The following SGCZ variants were observed in gnomAD, a reference collection of about 807,000 sequenced individuals.
SGCZ encodes the protein sarcoglycan zeta, also known as zeta-sarcoglycan.
A neutral mutation model predicts 41.3 loss-of-function variants in SGCZ; 40 were observed. That is an observed-to-expected ratio of 0.97 (90% CI 0.75 to 1.26). The LOEUF (loss-of-function observed/expected upper bound fraction) is 1.26. Among genes scored for constraint, SGCZ ranks in the 50% most tolerant of loss-of-function variants. The pLI, the probability that SGCZ is intolerant of heterozygous loss-of-function variation, is 0.00. For missense variants in SGCZ, 552 were observed against 369.8 expected, an observed-to-expected ratio of 1.49 and a Z score of -4.04; for synonymous variants, 206 against 137.5, an observed-to-expected ratio of 1.50 and a Z score of -3.49.
At chr8:14,460,743 T>C (rs1800879316) in intron 2 of SGCZ, among the ~76,000 whole-genome samples, 2 of 152,188 alleles carry the variant, frequency 1.3e-5, no homozygotes, top group Non-Finnish European at 2.9e-5. Context: ...TTTCAAAAGG[T>C]ACAATAGCAA....
At chr8:15,093,702 C>T (rs7820754) in intron 1 of SGCZ, among the ~76,000 whole-genome samples, 117,630 of 152,062 alleles carry the variant, frequency 0.77, 46,394 homozygotes, top group Non-Finnish European at 0.86. Flanking sequence ...AATTACACTT[C>T]ACTGTATTAT....
intron 1 of SGCZ, among the ~76,000 whole-genome samples, chr8:15,236,840 C>T (rs539384681): frequency 6.6e-6 from 1 of 152,130 alleles, no homozygotes; most frequent in South Asian, 2.1e-4. Flanking sequence ...GGGCTCCAGG[C>T]TGGTGGGAGA....
intron 5 of SGCZ, among the ~76,000 whole-genome samples, chr8:14,121,582 T>A (rs1802697676): frequency 6.6e-6 from 1 of 152,122 alleles, no homozygotes; most frequent in Non-Finnish European, 1.5e-5. Context: ...AAATCATACA[T>A]GAAATAATAG....
At chr8:14,756,263 A>G (rs1046615321) in intron 1 of SGCZ, among the ~76,000 whole-genome samples, 3 of 147,038 alleles carry the variant, frequency 2.0e-5, no homozygotes, top group Non-Finnish European at 3.0e-5. Context: ...TTGGCTCACC[A>G]CAATCTCCGC....
At chr8:15,024,533 A>C (rs1017706531) in intron 1 of SGCZ, among the ~76,000 whole-genome samples, 22 of 152,192 alleles carry the variant, frequency 1.4e-4, no homozygotes, top group African/African-American at 5.1e-4. Context: ...CTTATTAAAC[A>C]CACTATTTAT....
At chr8:14,638,190 C>T (rs1806899387) in intron 1 of SGCZ, among the ~76,000 whole-genome samples, 1 of 151,796 alleles carries the variant, frequency 6.6e-6, no homozygotes, top group African/African-American at 2.4e-5. Flanking sequence ...TTCTTACATT[C>T]TGTTCCCAAC....
At chr8:15,023,743 G>A (rs1158914868) in intron 1 of SGCZ, among the ~76,000 whole-genome samples, 1 of 152,170 alleles carries the variant, frequency 6.6e-6, no homozygotes, top group African/African-American at 2.4e-5. Context: ...TCACAATAGA[G>A]TATTGAATAG....
Position 15,156,850 on chromosome 8 carries a change from C to T in SGCZ, c.39+80735G>A, listed in dbSNP as rs1381987328. On this transcript the variant is annotated intron_variant, in intron 1 of 7. Transcript: ENST00000382080. ...ATCCCAGCTACTCAGGAGGCTGAGG[C>T]AGGAGATTCGCTTGAACCCAGGAGA... is the stretch of plus-strand genomic sequence containing the variant. Among the ~76,000 whole-genome samples the T allele has an allele frequency of 1.7e-4, 25 of 150,796 alleles. No homozygotes were observed. In the Admixed American group the frequency reaches 1.7e-3, roughly 10 times the overall value.
chr8:14,177,014 C>T lies in SGCZ; in HGVS notation c.425-12312G>A, dbSNP rs796690000. 2.8e-4 allele frequency among the ~76,000 whole-genome samples: 42 copies of T among 152,254 alleles called. 1 individual carries two copies. Among genetic ancestry groups the T allele is most frequent in the African/African-American group, 1.0e-3 (42 of 41,560 alleles). ...ACTTTGGGAGCAGGACACGTTACAT[C>T]ACCAAGGTTTTGTGTAACGGTTGGT... On this transcript the variant is annotated intron_variant, in intron 4 of 7. Transcript: ENST00000382080.
At chr8:15,118,859 C>G (rs1240016560) in intron 1 of SGCZ, among the ~76,000 whole-genome samples, 1 of 152,106 alleles carries the variant, frequency 6.6e-6, no homozygotes, top group Non-Finnish European at 1.5e-5. Flanking sequence ...AATACGATAC[C>G]TGCTGCTATG....
chr8:15,037,582 C>G (rs1005104371), intron 1 of SGCZ, among the ~76,000 whole-genome samples: 3 of 152,132 alleles, frequency 2.0e-5, no homozygotes, highest in African/African-American at 4.8e-5. Flanking sequence ...AATGTCCACT[C>G]TCACCACTTC....
rs767510102 is a variant in SGCZ, at chr8:15,237,599, T to C, written c.25A>G (p.Ile9Val). MDRSTNLDIEELKMTREQY... is the reference protein window; with the variant it reads MDRSTNLDVEELKMTREQY... ...CCCGCACGTACCTTGAGCTCCTCAA[T>C]GTCCAGGTTCGTTGATCTGTCCATG... is the stretch of plus-strand genomic sequence containing the variant. The change falls in exon 1 of 8, where the codon ATT becomes GTT. Residue 9 changes from isoleucine to valine, a missense_variant. Coordinates refer to ENST00000382080, the MANE Select transcript of SGCZ (RefSeq NM_139167.4). 1.3e-6 allele frequency: 2 copies of C among 1,591,488 alleles called. No individual in the cohort carries two copies. The highest frequency in any genetic ancestry group is 3.4e-5 in the Admixed American group (2 of 57,984).
Position 15,036,184 on chromosome 8 carries a change from A to T in SGCZ, c.39+201401T>A, listed in dbSNP as rs6983208. On this transcript the variant is annotated intron_variant, in intron 1 of 7. Coordinates refer to ENST00000382080, the MANE Select transcript of SGCZ (RefSeq NM_139167.4). ...TACTACAGAAATAAAGTAGATCATA[A>T]AAGTCTACATTAAACTAGGATACAT... Among the ~76,000 whole-genome samples the T allele has an allele frequency of 6.1e-3, 931 of 152,256 alleles. 6 individuals carry two copies. The highest frequency in any genetic ancestry group is 0.022 in the African/African-American group (902 of 41,562).
At chr8:14,242,144 T>C (rs1563206753) in intron 3 of SGCZ, among the ~76,000 whole-genome samples, 1 of 152,146 alleles carries the variant, frequency 6.6e-6, no homozygotes, top group Non-Finnish European at 1.5e-5. Context: ...GTGTGACAGA[T>C]ATTTCCTTAA....
chr8:15,152,056 G>T (rs928812041), intron 1 of SGCZ, among the ~76,000 whole-genome samples: 3 of 151,944 alleles, frequency 2.0e-5, no homozygotes, highest in African/African-American at 7.3e-5. Context: ...TAATAAAAGG[G>T]GTGTTTTATT....
intron 1 of SGCZ, among the ~76,000 whole-genome samples, chr8:14,592,399 G>A (rs185212783): frequency 1.3e-5 from 2 of 152,068 alleles, no homozygotes; most frequent in East Asian, 3.9e-4. Context: ...TACTGTCATT[G>A]CTTTAAAGTA....
intron 1 of SGCZ, among the ~76,000 whole-genome samples, chr8:14,636,165 G>A (rs1585143240): frequency 6.6e-6 from 1 of 151,874 alleles, no homozygotes; most frequent in South Asian, 2.1e-4. Context: ...AATAGAGGAT[G>A]AGAGGAAATA....
chr8:15,216,442 G>C (rs1002621670), intron 1 of SGCZ, among the ~76,000 whole-genome samples: 1 of 151,852 alleles, frequency 6.6e-6, no homozygotes, highest in Admixed American at 6.6e-5. Context: ...GGATGGTCTC[G>C]ATCTCCTGAC....
At chr8:14,469,032 T>G (rs182445226) in intron 2 of SGCZ, among the ~76,000 whole-genome samples, 1 of 151,310 alleles carries the variant, frequency 6.6e-6, no homozygotes, top group African/African-American at 2.5e-5. Context: ...TCTTGGCCTG[T>G]TTCTTTCTAA....
Sources: allele counts gnomAD v4.1 joint callset (sites outside exome capture counted in the v4.1 genomes callset), GRCh38; gene constraint gnomAD v4.1.1; transcripts MANE v1.5; gene names NCBI Gene and HGNC (gene_info 2026-07-23, HGNC 2026-07-21).